TCF12: variants seen among roughly 807,000 people sequenced by gnomAD.
TCF12 encodes transcription factor 12.
TCF12 carries 45 observed loss-of-function variants against 86.0 expected under a neutral mutation model. The ratio of observed to expected loss-of-function variants is 0.52; its 90% CI spans 0.41 to 0.67. The LOEUF is 0.67. Ranked by LOEUF, TCF12 falls within the 30% of genes least tolerant of loss-of-function variation. TCF12 has a pLI of 0.00. For missense variants in TCF12, 881 were observed against 859.9 expected (o/e 1.02, Z -0.31); for synonymous variants, 330 against 299.6 (o/e 1.10, Z -1.05).
At position 57,234,046 on chromosome 15, in the gene TCF12, C is replaced by T. The variant is rs968088400; in HGVS notation, c.974C>T (p.Thr325Ile). 4 of 1,613,064 alleles carry T rather than the reference C, an allele frequency of 2.5e-6. No homozygotes were observed. Among genetic ancestry groups the T allele is most frequent in the South Asian group, 1.1e-5 (1 of 91,054 alleles). ...TATTTCTCTATGAAATATCCAGGAA[C>T]CAGAGGGAATGCTGCTGGAAGCTCA... is the stretch of plus-strand genomic sequence containing the variant. ...PINGSDSILG[T>I]RGNAAGSSQT... The change falls in exon 12 of 21, where the codon ACC (threonine) becomes ATC (isoleucine). Residue 325 changes from threonine to isoleucine, a missense_variant. Transcript: ENST00000333725.
intron 5 of TCF12, chr15:57,109,212 A>G (rs2050327259): frequency 6.6e-6 from 1 of 152,162 alleles, no homozygotes; most frequent in South Asian, 2.1e-4. Context: ...AGCAGAGTAC[A>G]ATTTTCCCCA....
chr15:57,084,444 A>G (rs2048500442), intron 4 of TCF12, among the ~76,000 whole-genome samples: 2 of 152,204 alleles, frequency 1.3e-5, no homozygotes, highest in East Asian at 1.9e-4. Flanking sequence ...TTTACAATGT[A>G]CCGGGTCCTG....
intron 13 of TCF12, among the ~76,000 whole-genome samples, chr15:57,244,546 A>T (rs1316009979): frequency 6.6e-6 from 1 of 151,944 alleles, no homozygotes; most frequent in African/African-American, 2.4e-5. Context: ...TGCCACCTCC[A>T]CCTCCTGGGC....
chr15:57,148,701 C>A (rs374263522), intron 5 of TCF12, among the ~76,000 whole-genome samples: 348 of 124,230 alleles, frequency 2.8e-3, no homozygotes, highest in Middle Eastern at 4.1e-3. Flanking sequence ...GGTGACGTGG[C>A]AAAAAAAAAA....
At chr15:57,284,401 C>T (rs563804473) in intron 20 of TCF12, among the ~76,000 whole-genome samples, 2 of 151,938 alleles carry the variant, frequency 1.3e-5, no homozygotes, top group Non-Finnish European at 2.9e-5. Context: ...GTAGAGACAG[C>T]GTTTCGCCAG....
At chr15:57,265,974 C>G (rs1465129377) in intron 18 of TCF12, among the ~76,000 whole-genome samples, 1 of 152,096 alleles carries the variant, frequency 6.6e-6, no homozygotes, top group African/African-American at 2.4e-5. Flanking sequence ...GTTATGGGCT[C>G]ATAACTGTAT....
At chr15:57,220,530 T>G (rs1318415392) in intron 8 of TCF12, among the ~76,000 whole-genome samples, 1 of 152,186 alleles carries the variant, frequency 6.6e-6, no homozygotes, top group Non-Finnish European at 1.5e-5. Flanking sequence ...TTCCAAAGAA[T>G]GCACTGTACT....
intron 13 of TCF12, among the ~76,000 whole-genome samples, chr15:57,244,766 CAT>C (rs1351403806): frequency 3.2e-4 from 48 of 151,900 alleles, no homozygotes; most frequent in African/African-American, 1.1e-3. Flanking sequence ...GCCCGGCCCA[CAT>C]GTTTTTTTTT....
intron 6 of TCF12, among the ~76,000 whole-genome samples, chr15:57,188,770 C>T (rs1716299897): frequency 1.3e-5 from 2 of 152,096 alleles, no homozygotes; most frequent in South Asian, 4.1e-4. Context: ...TTCTTCATCA[C>T]AACATATACA....
chr15:57,269,072 A>C (rs796550239), intron 18 of TCF12, among the ~76,000 whole-genome samples: 6 of 152,092 alleles, frequency 3.9e-5, no homozygotes, highest in Non-Finnish European at 7.3e-5. Context: ...CAAGTCCTGG[A>C]TATCCTTGTT....
chr15:57,167,305 A>G (rs2054971844), intron 6 of TCF12, among the ~76,000 whole-genome samples: 1 of 152,210 alleles, frequency 6.6e-6, no homozygotes, highest in South Asian at 2.1e-4. Context: ...TCACGCCTGT[A>G]ATCCCAATAC....
chr15:57,266,086 A>AT (rs2060853836), intron 18 of TCF12, among the ~76,000 whole-genome samples: 5 of 110,268 alleles, frequency 4.5e-5, no homozygotes, highest in East Asian at 3.9e-4. Flanking sequence ...TTTTGTTTTT[A>AT]TTATTTATTT....
In TCF12 at chr15:57,162,397, C is replaced by T. The variant is rs911448423; in HGVS notation, c.326-4005C>T. Among the ~76,000 whole-genome samples the T allele has an allele frequency of 2.5e-4, 38 of 152,074 alleles. 1 individual carries two copies. The highest frequency in any genetic ancestry group is 8.9e-4 in the African/African-American group (37 of 41,404). Reference sequence around the variant, plus strand: ...TGAAAGAATTAAAAATGAATGCCTCCTAAGTCTTAGACTGAGTATGCATTA... The same window carrying T: ...TGAAAGAATTAAAAATGAATGCCTCTTAAGTCTTAGACTGAGTATGCATTA... On this transcript the variant is annotated intron_variant, in intron 5 of 20. Transcript: ENST00000333725.
chr15:57,232,603 T>C, intron 10 of TCF12, 109 bp from the exon 11 acceptor site: 1 of 1,449,468 alleles, frequency 6.9e-7, no homozygotes, highest in East Asian at 2.4e-5. Context: ...AGTAGTGCTC[T>C]TTAGCTGTAA....
chr15:57,256,020 A>G (rs1315030510), intron 16 of TCF12, among the ~76,000 whole-genome samples: 2 of 152,190 alleles, frequency 1.3e-5, no homozygotes, highest in African/African-American at 4.8e-5. Flanking sequence ...TCATCCAGAC[A>G]CAATCACTAG....
chr15:57,245,246 G>T (rs1234175047), intron 13 of TCF12, among the ~76,000 whole-genome samples: 2 of 152,216 alleles, frequency 1.3e-5, no homozygotes, highest in African/African-American at 4.8e-5. Context: ...ACTGCTGGCA[G>T]CTGCTTTCAG....
chr15:57,068,275 A>G (rs148483194), intron 4 of TCF12, among the ~76,000 whole-genome samples: 1 of 152,306 alleles, frequency 6.6e-6, no homozygotes, highest in East Asian at 1.9e-4. Flanking sequence ...AATGTCTGAT[A>G]TGTGGTGAGT....
chr15:57,008,429 A>C (rs1440682185), intron 3 of TCF12, among the ~76,000 whole-genome samples: 2 of 149,312 alleles, frequency 1.3e-5, no homozygotes, highest in Non-Finnish European at 3.0e-5. Context: ...ATGTTGGAGT[A>C]TAGTGGTGCA....
chr15:57,170,745 T>A (rs866559525), intron 6 of TCF12, among the ~76,000 whole-genome samples: 4 of 31,442 alleles, frequency 1.3e-4, no homozygotes, highest in African/African-American at 4.4e-4. Flanking sequence ...ATAATATATA[T>A]TATATATTAT....
Sources: gnomAD v4.1 joint callset for allele counts (sites outside exome capture counted in the v4.1 genomes callset) on GRCh38, gnomAD v4.1.1 for gene constraint, MANE v1.5 for transcripts, NCBI Gene and HGNC (gene_info 2026-07-23, HGNC 2026-07-21) for gene names.